Variants in RBBP4 observed in about 807,000 individuals in gnomAD.
RBBP4 encodes histone-binding protein RBBP4.
RBBP4 carries 3 observed loss-of-function variants against 57.2 expected under a neutral mutation model. The ratio of observed to expected loss-of-function variants is 0.05; its 90% CI spans 0.02 to 0.14. The LOEUF (loss-of-function observed/expected upper bound fraction) is 0.14, where lower values mean the gene tolerates loss of function less well. RBBP4 is among the 10% of genes least tolerant of loss of function. The pLI, the probability that RBBP4 is intolerant of heterozygous loss-of-function variation, is 1.00. For synonymous variants in RBBP4, 151 were observed against 171.5 expected (o/e 0.88, Z 0.93); for missense variants, 107 against 520.6 (o/e 0.21, Z 7.73).
intron 8 of RBBP4, among the ~76,000 whole-genome samples, chr1:32,671,657 A>G (rs1648881110): frequency 6.6e-6 from 1 of 151,894 alleles, no homozygotes; most frequent in Admixed American, 6.6e-5. Flanking sequence ...CCAAGAGTTC[A>G]AGTCCAGCCT....
rs535884284 is a variant in RBBP4 at position 32,664,263 on chromosome 1, T to G, written c.311-3962T>G. 2.6e-5 allele frequency among the ~76,000 whole-genome samples: 4 copies of G among 152,292 alleles called. No individual in the cohort carries two copies. The East Asian group carries it at 7.7e-4, about 29-fold the overall frequency. On this transcript the variant is annotated intron_variant, in intron 3 of 11. Transcript: ENST00000373493. ...ATTGGGCCGGCCCAATTTTCAATTT[T>G]GAATACGCTAAGTTCTTACTACTGT...
intron 2 of RBBP4, among the ~76,000 whole-genome samples, chr1:32,652,690 T>C (rs1323113883): frequency 6.6e-6 from 1 of 152,068 alleles, no homozygotes; most frequent in African/African-American, 2.4e-5. Flanking sequence ...TACAGGCACC[T>C]GCCACCACGC....
At chr1:32,673,425 C>G (rs1267336001) in intron 11 of RBBP4, 2 of 388,966 alleles carry the variant, frequency 5.1e-6, no homozygotes, top group African/African-American at 5.0e-5. Flanking sequence ...AATGTGAACA[C>G]CCTCCTTAAA....
Position 32,679,736 on chromosome 1 carries a change from C to T in RBBP4, c.*31C>T. ...TCTTTACTTGTTGTGATTTTAGACTCCCCTTTTTTCTTCTCAACCCTGAGA... is the reference window on the plus strand; with the variant it reads ...TCTTTACTTGTTGTGATTTTAGACTTCCCTTTTTTCTTCTCAACCCTGAGA... On this transcript the variant is annotated 3_prime_UTR_variant, in exon 12 of 12. Coordinates refer to ENST00000373493, the MANE Select transcript of RBBP4 (RefSeq NM_005610.3). 1 of 1,611,738 alleles carries T rather than the reference C, an allele frequency of 6.2e-7. No homozygotes were observed. Among genetic ancestry groups the T allele is most frequent in the Non-Finnish European group, 8.5e-7 (1 of 1,179,026 alleles).
At chr1:32,668,693 G>T in intron 4 of RBBP4, 46 bp from the exon 5 acceptor site, 2 of 1,484,924 alleles carry the variant, frequency 1.3e-6, no homozygotes, top group South Asian at 1.1e-5. Context: ...AGTAGGCCCA[G>T]AGAGCCAGTG....
At chr1:32,675,708 G>T (rs1473873891) in intron 11 of RBBP4, among the ~76,000 whole-genome samples, 1 of 152,110 alleles carries the variant, frequency 6.6e-6, no homozygotes, top group Admixed American at 6.5e-5. Flanking sequence ...GGCAGGACTT[G>T]CAGTGAGCCG....
chr1:32,664,245 C>T (rs1392005220), intron 3 of RBBP4, among the ~76,000 whole-genome samples: 5 of 152,176 alleles, frequency 3.3e-5, no homozygotes, highest in East Asian at 1.9e-4. Context: ...AACATTGGGC[C>T]GGCCCAATTT....
chr1:32,658,009 C>T (rs1227493768), intron 3 of RBBP4, among the ~76,000 whole-genome samples: 1 of 152,086 alleles, frequency 6.6e-6, no homozygotes, highest in African/African-American at 2.4e-5. Flanking sequence ...CCCGCCACCA[C>T]GCCTAGTTAA....
chr1:32,684,264 G>A lies in RBBP4; in HGVS notation c.*4559G>A, dbSNP rs1397217859. The A allele has an allele frequency of 8.1e-6, 13 of 1,614,090 alleles. No individual in the cohort carries two copies. Among genetic ancestry groups the A allele is most frequent in the Non-Finnish European group, 1.0e-5 (12 of 1,180,040 alleles). ...TATAGCAGCAGAAACTGACTTATAAGTAGAGAGCTCTTCAGCAAGACTGAG... is the reference window on the plus strand; with the variant it reads ...TATAGCAGCAGAAACTGACTTATAAATAGAGAGCTCTTCAGCAAGACTGAG... On this transcript the variant is annotated 3_prime_UTR_variant, in exon 12 of 12. Coordinates refer to ENST00000373493, the MANE Select transcript of RBBP4 (RefSeq NM_005610.3).
At chr1:32,660,643 A>G (rs1338205828) in intron 3 of RBBP4, among the ~76,000 whole-genome samples, 2 of 150,636 alleles carry the variant, frequency 1.3e-5, no homozygotes, top group Non-Finnish European at 2.9e-5. Flanking sequence ...CTGATCTGGA[A>G]CTCTGGCCTC....
At position 32,681,803 on chromosome 1, in the gene RBBP4, TAAG is replaced by T; in HGVS notation, c.*2102_*2104del. 1 of 1,614,188 alleles carries T rather than the reference TAAG, an allele frequency of 6.2e-7. No homozygotes were observed. The highest frequency in any genetic ancestry group is 8.5e-7 in the Non-Finnish European group (1 of 1,180,008). ...CAAAGGGTACTTAGTGATCCTTTGC[TAAG>T]AAGTTTTTTGCTGTTTCCGGGTTAC... is the stretch of plus-strand genomic sequence containing the variant. On this transcript the variant is annotated 3_prime_UTR_variant, in exon 12 of 12. Coordinates refer to ENST00000373493, the MANE Select transcript of RBBP4 (RefSeq NM_005610.3).
chr1:32,655,086 C>T (rs1648074931), intron 2 of RBBP4, among the ~76,000 whole-genome samples: 1 of 152,112 alleles, frequency 6.6e-6, no homozygotes, highest in East Asian at 1.9e-4. Context: ...ACCTCCTGGG[C>T]CAAGGAATCC....
chr1:32,651,638 GCCT>G (rs1647683844), intron 1 of RBBP4: 11 of 766,370 alleles, frequency 1.4e-5, no homozygotes, highest in Non-Finnish European at 2.2e-5. Context: ...CGGAGCTCGG[GCCT>G]CCTCGTCGGG....
intron 11 of RBBP4, 55 bp from the exon 12 acceptor site, chr1:32,679,585 C>A: frequency 6.7e-7 from 1 of 1,486,526 alleles, no homozygotes; most frequent in Admixed American, 2.3e-5. Context: ...TTGTTGAAAC[C>A]TTGAGTTTTA....
chr1:32,670,947 CCTAT>C lies in RBBP4; in HGVS notation c.966+1387_966+1390del, dbSNP rs199629199. 8.9e-3 allele frequency among the ~76,000 whole-genome samples: 1,356 copies of C among 152,182 alleles called. 21 individuals carry two copies. The highest frequency in any genetic ancestry group is 0.03 in the African/African-American group (1,256 of 41,502). On this transcript the variant is annotated intron_variant, in intron 8 of 11. Coordinates refer to ENST00000373493, the MANE Select transcript of RBBP4 (RefSeq NM_005610.3). The stretch of plus-strand genomic sequence containing the variant: ...ACCTTGGTGAACATTTTATCCTTAC[CCTAT>C]CTCTTTGCTTTGCTTGTGACGGTAT...
intron 3 of RBBP4, among the ~76,000 whole-genome samples, chr1:32,659,303 G>A (rs890276406): frequency 2.0e-5 from 3 of 151,846 alleles, no homozygotes; most frequent in Non-Finnish European, 2.9e-5. Flanking sequence ...AGTCACTCCT[G>A]TAATCCCAGC....
chr1:32,658,914 TACACAATATAA>T (rs1354959095), intron 3 of RBBP4, among the ~76,000 whole-genome samples: 1 of 128,144 alleles, frequency 7.8e-6, no homozygotes, highest in African/African-American at 2.9e-5. Flanking sequence ...TGTGTAATTT[TACACAATATAA>T]ATGTTATATT....
chr1:32,651,736 G>C (rs1462213262), intron 1 of RBBP4, 178 bp from the exon 2 acceptor site: 1 of 838,206 alleles, frequency 1.2e-6, no homozygotes, highest in Non-Finnish European at 1.8e-6. Flanking sequence ...GTTTGGCGGG[G>C]ATGGCCCGAG....
At chr1:32,679,302 G>A (rs1442173564) in intron 11 of RBBP4, among the ~76,000 whole-genome samples, 1 of 152,114 alleles carries the variant, frequency 6.6e-6, no homozygotes, top group Non-Finnish European at 1.5e-5. Flanking sequence ...ATCTCAAAAG[G>A]AAAGAAAAAT....
Sources: allele counts gnomAD v4.1 joint callset (sites outside exome capture counted in the v4.1 genomes callset), GRCh38; gene constraint gnomAD v4.1.1; transcripts MANE v1.5; gene names NCBI Gene and HGNC (gene_info 2026-07-23, HGNC 2026-07-21).